The following RPP21 variants were observed in gnomAD, a reference collection of about 807,000 sequenced individuals.
RPP21 encodes the protein ribonuclease P protein subunit p21.
Under a neutral mutation model 19.0 loss-of-function variants are expected in RPP21, and 21 were observed. The ratio of observed to expected loss-of-function variants is 1.11; its 90% CI spans 0.78 to 1.59. RPP21 has a LOEUF of 1.59. Among genes scored for constraint, RPP21 ranks in the 40% most tolerant of loss-of-function variants. The probability of loss-of-function intolerance (pLI) is 0.00; values close to 1 mark genes in which losing one functional copy is unlikely to be tolerated. For synonymous variants in RPP21, 93 were observed against 78.7 expected (o/e 1.18, Z -0.96); for missense variants, 215 against 200.2 (o/e 1.07, Z -0.45).
rs1226715581 is a variant in RPP21, at chr6:30,345,285, T to C, written c.58-13T>C. 6.2e-7 allele frequency: 1 copy of C among 1,613,318 alleles called. No homozygotes were observed. Among genetic ancestry groups the C allele is most frequent in the Non-Finnish European group, 8.5e-7 (1 of 1,179,810 alleles). Reference sequence around the variant, plus strand: ...GTGCTCGGCGTCCCAGAGTGACTGCTCCCCTCCCGCAGGCCGCCCATTGTG... The same window carrying C: ...GTGCTCGGCGTCCCAGAGTGACTGCCCCCCTCCCGCAGGCCGCCCATTGTG... On this transcript the variant is annotated splice_polypyrimidine_tract_variant and intron_variant, in intron 1 of 4. Transcript: ENST00000442966.
Position 30,345,408 on chromosome 6 carries a change from C to T in RPP21, c.158+10C>T, listed in dbSNP as rs1470830215. 3 of 1,611,746 alleles carry T rather than the reference C, an allele frequency of 1.9e-6. No homozygotes were observed. The highest frequency in any genetic ancestry group is 1.1e-5 in the South Asian group (1 of 91,040). ...GGCTCGTCTTGCGGCGGTGAGACAGCCACGGGGCGGGCGGCGGGCGGGACG... is the reference window on the plus strand; with the variant it reads ...GGCTCGTCTTGCGGCGGTGAGACAGTCACGGGGCGGGCGGCGGGCGGGACG... On this transcript the variant is annotated intron_variant, in intron 2 of 4. Coordinates refer to ENST00000442966, the MANE Select transcript of RPP21 (RefSeq NM_024839.4).
intron 2 of RPP21, 46 bp from the exon 3 acceptor site, chr6:30,345,445 C>A: frequency 6.2e-7 from 1 of 1,611,220 alleles, no homozygotes. Context: ...GGGAGGAACG[C>A]GAGAGGGAGC....
At position 30,346,539 on chromosome 6, in the gene RPP21, C is replaced by T. The variant is rs1176271346; in HGVS notation, c.349C>T (p.Gln117Ter). ...HLLWGDRPEA[Q>*]LGSQADSKPL... is the part of the protein sequence containing the mutation. ...ACTCTGGGGAGACAGGCCTGAGGCC[C>T]AGCTCGGGAGCCAAGCAGGTGAGAG... is the stretch of plus-strand genomic sequence containing the variant. The change falls in exon 4 of 5, where the codon CAG (glutamine) becomes TAG (stop). Residue 117 changes from glutamine (Q) to a stop codon, truncating the protein, a stop_gained. Transcript: ENST00000442966. LOFTEE classifies it low-confidence loss of function (END_TRUNC). The surrounding 1 kb of genome is among the most constrained non-coding windows in gnomAD (Gnocchi z 4.7). The T allele has an allele frequency of 6.2e-7, 1 of 1,614,114 alleles. No individual in the cohort carries two copies. Among genetic ancestry groups the T allele is most frequent in the Non-Finnish European group, 8.5e-7 (1 of 1,180,024 alleles).
Position 30,346,770 on chromosome 6 carries a change from C to G in RPP21, c.425C>G (p.Pro142Arg). 1 of 1,613,252 alleles carries G rather than the reference C, an allele frequency of 6.2e-7. No homozygotes were observed. The highest frequency in any genetic ancestry group is 8.5e-7 in the Non-Finnish European group (1 of 1,180,012). Residue 142 changes from proline (P) to arginine (R), a missense_variant, in exon 5 of 5, where the codon CCT becomes CGT. By Grantham distance (103) the Pro-to-Arg change is moderately radical (BLOSUM62 -2). Coordinates refer to ENST00000442966, the MANE Select transcript of RPP21 (RefSeq NM_024839.4). The surrounding 1 kb of genome is among the most constrained non-coding windows in gnomAD (Gnocchi z 4.7). ...GCCCACTCCATTTCAGACCGCCTTC[C>G]TGAGGAGAAAATGCAGACTCAGGGT... The part of the protein sequence containing the change: ...NTAHSISDRL[P>R]EEKMQTQGSS...
chr6:30,346,372 C>G lies in RPP21; in HGVS notation c.242-60C>G. ...CTACTGAAAAACACTGGAGGCAAAA[C>G]TGGCAGCAAGAGACCGTTACTTCTA... On this transcript the variant is annotated intron_variant, in intron 3 of 4. Coordinates refer to ENST00000442966, the MANE Select transcript of RPP21 (RefSeq NM_024839.4). The surrounding 1 kb of genome is among the most constrained non-coding windows in gnomAD (Gnocchi z 4.7). The G allele has an allele frequency of 6.3e-7, 1 of 1,581,334 alleles. No individual in the cohort carries two copies. The highest frequency in any genetic ancestry group is 8.6e-7 in the Non-Finnish European group (1 of 1,157,998).
chr6:30,345,625 G>A, intron 3 of RPP21, 52 bp downstream of exon 3: 1 of 1,391,008 alleles, frequency 7.2e-7, no homozygotes, highest in African/African-American at 1.5e-5. Flanking sequence ...GGCGCGGAGG[G>A]GGGCGGGGTG....
chr6:30,345,772 C>CTT (rs202228880), intron 3 of RPP21, 199 bp downstream of exon 3: 287 of 514,140 alleles, frequency 5.6e-4, no homozygotes, highest in East Asian at 1.7e-3. Flanking sequence ...TTGGGCTCGG[C>CTT]TGTTTTTTTT....
At position 30,346,760 on chromosome 6, in the gene RPP21, G is replaced by T. The variant is rs775124643; in HGVS notation, c.415G>T (p.Asp139Tyr). The stretch of plus-strand genomic sequence containing the variant: ...GCCAAACACAGCCCACTCCATTTCA[G>T]ACCGCCTTCCTGAGGAGAAAATGCA... ...PLPNTAHSIS[D>Y]RLPEEKMQTQ... The change falls in exon 5 of 5, where the codon GAC (aspartate) becomes TAC (tyrosine). Residue 139 changes from aspartate to tyrosine, a missense_variant. Physicochemically the swap from Asp to Tyr is radical, Grantham distance 160. Transcript: ENST00000442966. The surrounding 1 kb of genome is among the most constrained non-coding windows in gnomAD (Gnocchi z 4.7). 81 of 1,613,106 alleles carry T rather than the reference G, an allele frequency of 5.0e-5. No homozygotes were observed. Among genetic ancestry groups the T allele is most frequent in the Non-Finnish European group, 6.1e-5 (72 of 1,180,010 alleles).
intron 3 of RPP21, 196 bp downstream of exon 3, chr6:30,345,769 C>G: frequency 7.1e-6 from 4 of 563,110 alleles, no homozygotes; most frequent in Non-Finnish European, 1.1e-5. Context: ...GGTTTGGGCT[C>G]GGCTGTTTTT....
rs1190050311 is a variant in RPP21, at chr6:30,345,188, A to G, written c.17A>G (p.Lys6Arg). 6.4e-7 allele frequency: 1 copy of G among 1,569,212 alleles called. No individual in the cohort carries two copies. Among genetic ancestry groups the G allele is most frequent in the Admixed American group, 1.9e-5 (1 of 53,316 alleles). The stretch of plus-strand genomic sequence containing the variant: ...GCGGCGGTGATGGCGGGGCCGGTGA[A>G]GGACCGCGAGGCCTTCCAGAGGCTC... MAGPV[K>R]DREAFQRLNF... The change falls in exon 1 of 5, where the codon AAG (lysine) becomes AGG (arginine). Residue 6 changes from lysine to arginine, a missense_variant. Physicochemically the swap from Lys to Arg is conservative, Grantham distance 26. Coordinates refer to ENST00000442966, the MANE Select transcript of RPP21 (RefSeq NM_024839.4).
chr6:30,345,228 G>T lies in RPP21; in HGVS notation c.57G>T (p.Gln19His), dbSNP rs879835922. The T allele has an allele frequency of 1.9e-5, 30 of 1,607,318 alleles. No homozygotes were observed. The highest frequency in any genetic ancestry group is 2.5e-5 in the Non-Finnish European group (30 of 1,177,224). The change falls in exon 1 of 5, where the codon CAG (glutamine) becomes CAT (histidine). Residue 19 changes from glutamine (Q) to histidine (H), a missense_variant and splice_region_variant. Physicochemically the swap from Gln to His is conservative, Grantham distance 24. Transcript: ENST00000442966. ...EAFQRLNFLY[Q>H]AAHCVLAQDP... ...TCCAGAGGCTCAACTTCCTGTACCA[G>T]GTGAGTCTGCGACAAGGGCCCCACG... is the stretch of plus-strand genomic sequence containing the variant.
At position 30,346,672 on chromosome 6, in the gene RPP21, G is replaced by T. The variant is rs1192589496; in HGVS notation, c.368-41G>T. On this transcript the variant is annotated intron_variant, in intron 4 of 4. Coordinates refer to ENST00000442966, the MANE Select transcript of RPP21 (RefSeq NM_024839.4). This position sits in a 1 kb window ranked among gnomAD's most constrained non-coding sequence, Gnocchi z 4.7. ...GTTGGTGTGAGAAGTACCACAGTCA[G>T]AAAACTAATTCTGTTTCTCTGATTC... is the stretch of plus-strand genomic sequence containing the variant. 2 of 1,613,876 alleles carry T rather than the reference G, an allele frequency of 1.2e-6. No homozygotes were observed. The highest frequency in any genetic ancestry group is 1.7e-6 in the Non-Finnish European group (2 of 1,179,982).
At position 30,345,659 on chromosome 6, in the gene RPP21, A is replaced by G. The variant is rs1395164560; in HGVS notation, c.241+86A>G. ...TGGGGGGCGGGCACTGGAGGCCAAC[A>G]GCGCCTTTCTCACTGTAGATGGATG... On this transcript the variant is annotated intron_variant, in intron 3 of 4. Coordinates refer to ENST00000442966, the MANE Select transcript of RPP21 (RefSeq NM_024839.4). 5.1e-6 allele frequency: 7 copies of G among 1,360,502 alleles called. No homozygotes were observed. The African/African-American group carries it at 5.9e-5, about 11-fold the overall frequency. The allele number at this position is 1,360,502 out of a possible 1,614,324, so 84.3% of individuals were successfully genotyped here.
chr6:30,345,726 G>A, intron 3 of RPP21, 153 bp downstream of exon 3: 2 of 956,164 alleles, frequency 2.1e-6, no homozygotes, highest in Non-Finnish European at 3.0e-6. Flanking sequence ...TTCGGGTTTG[G>A]ATTAAGTTCC....
Position 30,345,560 on chromosome 6 carries a change from C to T in RPP21, c.228C>T (p.Thr76=). The change falls in exon 3 of 5, where the codon ACC becomes ACT. Residue 76 remains threonine, a synonymous_variant. Coordinates refer to ENST00000442966, the MANE Select transcript of RPP21 (RefSeq NM_024839.4). ...TCCTCGTCCCGGGCCTCACCTGCAC[C>T]CAGCGCCAGAGACGTGAGTGCTCCA... ...SSLLVPGLTC[T]QRQRRCRGQR... is the part of the protein sequence containing the mutation. 2 of 1,574,852 alleles carry T rather than the reference C, an allele frequency of 1.3e-6. No homozygotes were observed. Among genetic ancestry groups the T allele is most frequent in the South Asian group, 1.2e-5 (1 of 86,766 alleles).
In RPP21 at chr6:30,346,855, C is replaced by G. The variant is rs1401022880; in HGVS notation, c.*45C>G. ...AAATAAAGTTTACTTGTTTTACATT[C>G]CATGATTCTGTTCTGTGGGTATTTC... On this transcript the variant is annotated 3_prime_UTR_variant, in exon 5 of 5. Coordinates refer to ENST00000442966, the MANE Select transcript of RPP21 (RefSeq NM_024839.4). The surrounding 1 kb of genome is among the most constrained non-coding windows in gnomAD (Gnocchi z 4.7). The G allele has an allele frequency of 2.5e-6, 4 of 1,604,428 alleles. No homozygotes were observed. Among genetic ancestry groups the G allele is most frequent in the Non-Finnish European group, 3.4e-6 (4 of 1,172,756 alleles).
chr6:30,345,574 G>T lies in RPP21; in HGVS notation c.241+1G>T. 1 of 1,545,556 alleles carries T rather than the reference G, an allele frequency of 6.5e-7. No homozygotes were observed. The highest frequency in any genetic ancestry group is 8.8e-7 in the Non-Finnish European group (1 of 1,142,368). On this transcript the variant is annotated splice_donor_variant, in intron 3 of 4. Coordinates refer to ENST00000442966, the MANE Select transcript of RPP21 (RefSeq NM_024839.4). LOFTEE classifies it high-confidence loss of function. ...CTCACCTGCACCCAGCGCCAGAGAC[G>T]TGAGTGCTCCAACGGAGGTGGAAGA...
chr6:30,346,119 CAAG>C lies in RPP21; in HGVS notation c.242-311_242-309del. 1 of 332,840 alleles carries C rather than the reference CAAG, an allele frequency of 3.0e-6. No homozygotes were observed. Among genetic ancestry groups the C allele is most frequent in the Non-Finnish European group, 5.5e-6 (1 of 181,582 alleles). The allele number at this position is 332,840 out of a possible 1,614,324, so 20.6% of individuals were successfully genotyped here. On this transcript the variant is annotated intron_variant, in intron 3 of 4. Transcript: ENST00000442966. This position sits in a 1 kb window ranked among gnomAD's most constrained non-coding sequence, Gnocchi z 4.7. The stretch of plus-strand genomic sequence containing the variant: ...CTAGGCATGTGTGCAGACTCTGAGA[CAAG>C]AGAGCTTGTGGTGCTGTCAAAGAAA...
Position 30,346,465 on chromosome 6 carries a change from G to A in RPP21, c.275G>A (p.Cys92Tyr). 1 of 1,614,110 alleles carries A rather than the reference G, an allele frequency of 6.2e-7. No individual in the cohort carries two copies. The highest frequency in any genetic ancestry group is 8.5e-7 in the Non-Finnish European group (1 of 1,180,024). The change falls in exon 4 of 5, where the codon TGC becomes TAC. Residue 92 changes from cysteine (C) to tyrosine (Y), a missense_variant. Coordinates refer to ENST00000442966, the MANE Select transcript of RPP21 (RefSeq NM_024839.4). This position sits in a 1 kb window ranked among gnomAD's most constrained non-coding sequence, Gnocchi z 4.7. ...GGACAGCGCTGGACCGTACAGACCT[G>A]CCTAACATGCCAGCGCAGCCAACGC... Reference protein sequence around the residue: ...CRGQRWTVQTCLTCQRSQRFL... With the variant: ...CRGQRWTVQTYLTCQRSQRFL...
Sources: gnomAD v4.1 joint callset for allele counts on GRCh38, gnomAD v4.1.1 for gene constraint, Gnocchi (gnomAD v3.1) non-coding constraint, MANE v1.5 for transcripts, NCBI Gene and HGNC (gene_info 2026-07-23, HGNC 2026-07-21) for gene names.